The following ICA1L variants were observed in gnomAD, a reference collection of about 807,000 sequenced individuals.
ICA1L encodes islet cell autoantigen 1 like.
ICA1L carries 50 observed loss-of-function variants against 61.3 expected under a neutral mutation model. That is an observed-to-expected ratio of 0.82 (90% CI 0.65 to 1.03). The LOEUF (loss-of-function observed/expected upper bound fraction) is 1.03, where lower values mean the gene tolerates loss of function less well. Among genes scored for constraint, ICA1L ranks in the 50% least tolerant of loss-of-function variants. The pLI is 0.00. For synonymous variants in ICA1L, 161 were observed against 191.3 expected (o/e 0.84, Z 1.31); for missense variants, 508 against 556.7 (o/e 0.91, Z 0.88).
At chr2:202,816,293 A>T (rs1419213826) in intron 6 of ICA1L, among the ~76,000 whole-genome samples, 2 of 152,212 alleles carry the variant, frequency 1.3e-5, no homozygotes, top group Non-Finnish European at 2.9e-5. Context: ...ATGAAAACTT[A>T]GGGATCAGAA....
At position 202,816,026 on chromosome 2, in the gene ICA1L, G is replaced by T; in HGVS notation, c.685-17C>A. On this transcript the variant is annotated splice_polypyrimidine_tract_variant and intron_variant, in intron 6 of 12. Coordinates refer to ENST00000358299, the MANE Select transcript of ICA1L (RefSeq NM_001288622.3). ...CAGTGTTCTCTGCAAAAAAAGAAAA[G>T]GTGACACTACAGTTCTGCTTCCCCT... 6.6e-7 allele frequency: 1 copy of T among 1,517,460 alleles called. No homozygotes were observed. Among genetic ancestry groups the T allele is most frequent in the Non-Finnish European group, 9.0e-7 (1 of 1,111,704 alleles). The allele number at this position is 1,517,460 out of a possible 1,614,324, so 94.0% of individuals were successfully genotyped here.
In ICA1L at chr2:202,817,524, T is replaced by C. The variant is rs1310051327; in HGVS notation, c.578A>G (p.Asn193Ser). The C allele has an allele frequency of 6.2e-7, 1 of 1,608,928 alleles. No homozygotes were observed. Among genetic ancestry groups the C allele is most frequent in the East Asian group, 2.2e-5 (1 of 44,742 alleles). The change falls in exon 6 of 13, where the codon AAT (asparagine) becomes AGT (serine). Residue 193 changes from asparagine to serine, a missense_variant. By Grantham distance (46) the Asn-to-Ser change is conservative. Coordinates refer to ENST00000358299, the MANE Select transcript of ICA1L (RefSeq NM_001288622.3). ...KFRKVQMQVR[N>S]SKASFDKLKM... is the part of the protein sequence containing the mutation. ...TAACTTGTCAAAAGAAGCTTTGCTA[T>C]TTCTCACTTGCATCTGTACCTGCAA...
At chr2:202,864,446 C>CCT (rs1559152625) in intron 1 of ICA1L, among the ~76,000 whole-genome samples, 15 of 151,844 alleles carry the variant, frequency 9.9e-5, no homozygotes, top group African/African-American at 3.6e-4. Flanking sequence ...GGGGTTTCAC[C>CCT]GTGGTCTCGA....
intron 10 of ICA1L, among the ~76,000 whole-genome samples, chr2:202,794,190 A>G (rs916261452): frequency 1.3e-5 from 2 of 148,254 alleles, no homozygotes; most frequent in African/African-American, 2.5e-5. Flanking sequence ...ACAAAATTCA[A>G]CAACTATTAG....
At chr2:202,864,821 G>T (rs901915221) in intron 1 of ICA1L, among the ~76,000 whole-genome samples, 1 of 151,990 alleles carries the variant, frequency 6.6e-6, no homozygotes, top group Non-Finnish European at 1.5e-5. Context: ...GAGTTCCAGA[G>T]GAGCCTGGCC....
chr2:202,779,127 A>G lies in ICA1L; in HGVS notation c.*406T>C, dbSNP rs961818736. ...CAAACCACAACCCAATTTACATGCT[A>G]TCTATCTATCTTTGTTATCCACATA... On this transcript the variant is annotated 3_prime_UTR_variant, in exon 13 of 13. Transcript: ENST00000358299. The G allele has an allele frequency of 6.4e-6, 1 of 155,532 alleles. No individual in the cohort carries two copies. The highest frequency in any genetic ancestry group is 1.4e-5 in the Non-Finnish European group (1 of 70,622). The allele number at this position is 155,532 out of a possible 1,614,324, so 9.6% of individuals were successfully genotyped here. A position where few individuals can be genotyped will look rare whatever the true frequency, so the allele number is the denominator to read the frequency against.
intron 2 of ICA1L, among the ~76,000 whole-genome samples, chr2:202,827,418 G>C (rs1032852999): frequency 6.6e-6 from 1 of 151,768 alleles, no homozygotes; most frequent in African/African-American, 2.4e-5. Flanking sequence ...AGAAAAGATA[G>C]TTCTACTAAG....
intron 11 of ICA1L, chr2:202,786,759 T>G (rs999478469): frequency 1.5e-5 from 7 of 453,082 alleles, no homozygotes; most frequent in Admixed American, 1.4e-4. Flanking sequence ...ATGATTTTTT[T>G]TTTTTTGCAG....
chr2:202,869,126 G>A (rs1423551153), intron 1 of ICA1L, among the ~76,000 whole-genome samples: 1 of 152,184 alleles, frequency 6.6e-6, no homozygotes, highest in Non-Finnish European at 1.5e-5. Flanking sequence ...TTGGGAGGCT[G>A]AGGCGGGCGG....
Position 202,786,001 on chromosome 2 carries a change from AC to A in ICA1L, c.1249del (p.Val417SerfsTer26), listed in dbSNP as rs567679424. ...ACAAAGTTCTGATTCCTCTTGGGAGACCCAGTCTGGGATAAAAGAAGTAAAA... is the reference window on the plus strand; with the variant it reads ...ACAAAGTTCTGATTCCTCTTGGGAGACCAGTCTGGGATAAAAGAAGTAAAA... ...FHVAGAFNNWVSQEESELCLS... is the reference protein window; with the variant it reads ...FHVAGAFNNWXSQEESELCLS... On this transcript the variant is annotated frameshift_variant, in exon 12 of 13. Transcript: ENST00000358299. LOFTEE classifies it high-confidence loss of function. 1.2e-4 allele frequency: 194 copies of A among 1,597,674 alleles called. 1 individual carries two copies. Among genetic ancestry groups the A allele is most frequent in the Non-Finnish European group, 1.5e-4 (180 of 1,167,456 alleles).
intron 1 of ICA1L, among the ~76,000 whole-genome samples, chr2:202,852,825 GAAA>G (rs1238222530): frequency 6.7e-6 from 1 of 150,278 alleles, no homozygotes; most frequent in Admixed American, 6.6e-5. Context: ...GGCCAGTGAT[GAAA>G]ATGCTCATCA....
chr2:202,810,905 G>A (rs185455220), intron 9 of ICA1L, among the ~76,000 whole-genome samples: 3 of 152,210 alleles, frequency 2.0e-5, no homozygotes, highest in South Asian at 2.1e-4. Flanking sequence ...GGAAATTCCC[G>A]CTTAATAAAT....
At chr2:202,783,925 GGAT>G (rs2105816953) in intron 12 of ICA1L, among the ~76,000 whole-genome samples, 1 of 152,126 alleles carries the variant, frequency 6.6e-6, no homozygotes, top group East Asian at 1.9e-4. Context: ...GGAAGAAAGA[GGAT>G]GAGTGTAAAG....
intron 3 of ICA1L, among the ~76,000 whole-genome samples, chr2:202,822,786 C>T (rs530628994): frequency 6.6e-6 from 1 of 152,146 alleles, no homozygotes; most frequent in Non-Finnish European, 1.5e-5. Context: ...ATGCTGCCTC[C>T]CCACTACCCC....
intron 1 of ICA1L, among the ~76,000 whole-genome samples, chr2:202,866,938 C>T (rs1157852711): frequency 6.6e-6 from 1 of 152,116 alleles, no homozygotes; most frequent in Non-Finnish European, 1.5e-5. Flanking sequence ...GAGCACGAGA[C>T]TCCATCTCAA....
chr2:202,808,905 T>C (rs985170885), intron 9 of ICA1L, among the ~76,000 whole-genome samples: 11 of 152,138 alleles, frequency 7.2e-5, no homozygotes, highest in Non-Finnish European at 1.5e-5. Context: ...CTTGGAAAAC[T>C]TTCCCAAGAA....
intron 10 of ICA1L, among the ~76,000 whole-genome samples, chr2:202,791,020 CA>C (rs1692732819): frequency 6.6e-6 from 1 of 152,162 alleles, no homozygotes; most frequent in Non-Finnish European, 1.5e-5. Context: ...GCTCTCAAAA[CA>C]GTGGAGGTTT....
intron 12 of ICA1L, among the ~76,000 whole-genome samples, chr2:202,783,191 T>C (rs905610747): frequency 6.6e-6 from 1 of 152,196 alleles, no homozygotes; most frequent in Non-Finnish European, 1.5e-5. Flanking sequence ...ACTACAGTAA[T>C]AAATATTTCA....
chr2:202,861,474 C>T (rs888274791), intron 1 of ICA1L, among the ~76,000 whole-genome samples: 3 of 146,214 alleles, frequency 2.1e-5, no homozygotes, highest in African/African-American at 7.5e-5. Context: ...ACAAAGCTCC[C>T]AAATACAAGA....
Sources: allele counts gnomAD v4.1 joint callset (sites outside exome capture counted in the v4.1 genomes callset), GRCh38; gene constraint gnomAD v4.1.1; transcripts MANE v1.5; gene names NCBI Gene and HGNC (gene_info 2026-07-23, HGNC 2026-07-21).